The following SPIDR variants were observed in gnomAD, a reference collection of about 807,000 sequenced individuals.
SPIDR encodes scaffold protein involved in DNA repair.
SPIDR carries 93 observed loss-of-function variants against 104.6 expected under a neutral mutation model. The ratio of observed to expected loss-of-function variants is 0.89; its 90% confidence interval spans 0.75 to 1.06. The LOEUF (loss-of-function observed/expected upper bound fraction) is 1.06. Among genes scored for constraint, SPIDR ranks in the 50% least tolerant of loss-of-function variants. The pLI, the probability that SPIDR is intolerant of heterozygous loss-of-function variation, is 0.00. For missense variants in SPIDR, 1,154 were observed against 1,111.2 expected (o/e 1.04, Z -0.55); for synonymous variants, 431 against 416.9 (o/e 1.03, Z -0.41).
intron 1 of SPIDR, among the ~76,000 whole-genome samples, chr8:47,275,379 C>G (rs1287912918): frequency 6.6e-6 from 1 of 151,916 alleles, no homozygotes. Context: ...TATACAACTG[C>G]TTATATATAT....
At position 47,492,310 on chromosome 8, in the gene SPIDR, G is replaced by A. The variant is rs147884499; in HGVS notation, c.1097+51768G>A. On this transcript the variant is annotated intron_variant, in intron 8 of 19. Coordinates refer to ENST00000297423, the MANE Select transcript of SPIDR (RefSeq NM_001080394.4). Reference sequence around the variant, plus strand: ...TAATTTTATTCTTCCCAAGGTATAAGACCAGTATCTGGCAAGCAGGCAGGC... The same window carrying A: ...TAATTTTATTCTTCCCAAGGTATAAAACCAGTATCTGGCAAGCAGGCAGGC... Among the ~76,000 whole-genome samples, 45 of 152,178 alleles carry A rather than the reference G, an allele frequency of 3.0e-4. 2 individuals carry two copies. In the East Asian group the frequency reaches 6.8e-3, roughly 23 times the overall value.
At chr8:47,653,162 CT>C (rs1563432305) in intron 10 of SPIDR, among the ~76,000 whole-genome samples, 1 of 152,170 alleles carries the variant, frequency 6.6e-6, no homozygotes, top group East Asian at 1.9e-4. Context: ...TCCAAGAACC[CT>C]GCCTCTGAAA....
At chr8:47,621,169 A>G (rs891097249) in intron 10 of SPIDR, among the ~76,000 whole-genome samples, 2 of 151,760 alleles carry the variant, frequency 1.3e-5, no homozygotes, top group African/African-American at 4.8e-5. Flanking sequence ...GTTGGCCAGG[A>G]TGGTCTCGAT....
At chr8:47,721,841 A>C (rs1010305934) in intron 16 of SPIDR, among the ~76,000 whole-genome samples, 1 of 152,130 alleles carries the variant, frequency 6.6e-6, no homozygotes, top group Non-Finnish European at 1.5e-5. Context: ...CTTGTTCTTC[A>C]ATATTGTCTT....
intron 10 of SPIDR, among the ~76,000 whole-genome samples, chr8:47,651,626 A>G (rs1385264050): frequency 2.0e-5 from 3 of 152,206 alleles, no homozygotes; most frequent in African/African-American, 7.2e-5. Flanking sequence ...GTAAATCATT[A>G]TATAAAAAAA....
At position 47,416,959 on chromosome 8, in the gene SPIDR, C is replaced by G. The variant is rs190378992; in HGVS notation, c.877+8998C>G. On this transcript the variant is annotated intron_variant, in intron 7 of 19. Coordinates refer to ENST00000297423, the MANE Select transcript of SPIDR (RefSeq NM_001080394.4). Reference sequence around the variant, plus strand: ...GTCCCTACAAAGGACATGAACTCATCCTTTTTTTATGGCTGCATAGTATTC... The same window carrying G: ...GTCCCTACAAAGGACATGAACTCATGCTTTTTTTATGGCTGCATAGTATTC... Among the ~76,000 whole-genome samples, 112 of 152,236 alleles carry G rather than the reference C, an allele frequency of 7.4e-4. 1 individual carries two copies. Among genetic ancestry groups the G allele is most frequent in the Non-Finnish European group, 1.5e-3 (100 of 68,002 alleles).
rs1281859493 is a variant in SPIDR at position 47,602,571 on chromosome 8, AG to A, written c.1544+3377del. Among the ~76,000 whole-genome samples, 6 of 152,270 alleles carry A rather than the reference AG, an allele frequency of 3.9e-5. No individual in the cohort carries two copies. The East Asian group carries it at 1.2e-3, about 29-fold the overall frequency. ...TAGTTGCCCCTTCCCCACCCAGCCC[AG>A]GTCAGGTGGTTGCTGATGAAACCCT... On this transcript the variant is annotated intron_variant, in intron 10 of 19. Transcript: ENST00000297423.
chr8:47,502,240 G>A (rs2080613731), intron 8 of SPIDR, among the ~76,000 whole-genome samples: 2 of 152,172 alleles, frequency 1.3e-5, no homozygotes, highest in South Asian at 4.1e-4. Context: ...TTGTACCTCT[G>A]ATAGAATTCG....
At chr8:47,690,352 CA>C (rs752751542) in intron 11 of SPIDR, among the ~76,000 whole-genome samples, 23 of 151,750 alleles carry the variant, frequency 1.5e-4, no homozygotes, top group South Asian at 4.2e-4. Context: ...GTGTAAAGAA[CA>C]TTTTTTTTTA....
At chr8:47,704,676 C>T (rs1471095883) in intron 14 of SPIDR, among the ~76,000 whole-genome samples, 1 of 152,164 alleles carries the variant, frequency 6.6e-6, no homozygotes, top group East Asian at 1.9e-4. Flanking sequence ...TTTGAAATAC[C>T]CTTTTTCCTT....
chr8:47,381,782 G>T (rs377736702), intron 5 of SPIDR, among the ~76,000 whole-genome samples: 45 of 152,330 alleles, frequency 3.0e-4, no homozygotes, highest in African/African-American at 1.1e-3. Flanking sequence ...TCACAGAGCC[G>T]CCCCGTGGCA....
At chr8:47,321,500 A>G (rs1171554307) in intron 5 of SPIDR, among the ~76,000 whole-genome samples, 6 of 152,230 alleles carry the variant, frequency 3.9e-5, no homozygotes, top group Admixed American at 6.5e-5. Context: ...AATCAGTATC[A>G]TGAAAATGGC....
At chr8:47,581,621 T>C (rs1254832914) in intron 8 of SPIDR, among the ~76,000 whole-genome samples, 2 of 151,922 alleles carry the variant, frequency 1.3e-5, no homozygotes, top group African/African-American at 2.4e-5. Context: ...GGTCCCAGAG[T>C]TGAAACTGAA....
intron 1 of SPIDR, 39 bp downstream of exon 1, chr8:47,261,030 CGCGTTGCGGGGAAGCGGCGGGCCGG>C: frequency 2.4e-6 from 3 of 1,225,886 alleles, no homozygotes; most frequent in Non-Finnish European, 3.0e-6. Context: ...CGCCGTTTCC[CGCGTTGCGGGGAAGCGGCGGGCCGG>C]CGCGGGGCTG....
intron 8 of SPIDR, among the ~76,000 whole-genome samples, chr8:47,545,716 T>TA (rs1239996564): frequency 6.6e-6 from 1 of 152,180 alleles, no homozygotes; most frequent in African/African-American, 2.4e-5. Flanking sequence ...TTCCTAATCT[T>TA]AGAGGAAAGT....
At position 47,294,050 on chromosome 8, in the gene SPIDR, A is replaced by C. The variant is rs1408143747; in HGVS notation, c.525+20A>C. The C allele has an allele frequency of 6.2e-7, 1 of 1,602,328 alleles. No homozygotes were observed. The highest frequency in any genetic ancestry group is 1.8e-5 in the Admixed American group (1 of 57,060). On this transcript the variant is annotated intron_variant, in intron 5 of 19. Transcript: ENST00000297423. ...CCCAAGGTAAGAATGAAGTATTTCAAAACTTTTATTCACTTTATAACATTT... is the reference window on the plus strand; with the variant it reads ...CCCAAGGTAAGAATGAAGTATTTCACAACTTTTATTCACTTTATAACATTT...
At chr8:47,385,338 A>T (rs1309477507) in intron 5 of SPIDR, among the ~76,000 whole-genome samples, 1 of 152,148 alleles carries the variant, frequency 6.6e-6, no homozygotes, top group Non-Finnish European at 1.5e-5. Flanking sequence ...ATTGTTTCTA[A>T]TGGCTGCATG....
chr8:47,707,157 G>A (rs1294899680), intron 14 of SPIDR, among the ~76,000 whole-genome samples: 2 of 151,936 alleles, frequency 1.3e-5, no homozygotes, highest in African/African-American at 4.8e-5. Flanking sequence ...GGGAGGCTGA[G>A]GCAGGAGAAT....
At chr8:47,665,261 A>G (rs1358751045) in intron 10 of SPIDR, among the ~76,000 whole-genome samples, 2 of 152,240 alleles carry the variant, frequency 1.3e-5, no homozygotes, top group Non-Finnish European at 2.9e-5. Context: ...CTCATCAGAA[A>G]CAATGGAGGC....
Sources: allele counts gnomAD v4.1 joint callset (sites outside exome capture counted in the v4.1 genomes callset), GRCh38; gene constraint gnomAD v4.1.1; transcripts MANE v1.5; gene names NCBI Gene and HGNC (gene_info 2026-07-23, HGNC 2026-07-21).